The following CPQ variants were observed in gnomAD, a reference collection of about 807,000 sequenced individuals.
The protein encoded by CPQ is Ser-Met dipeptidase.
Under a neutral mutation model 45.7 loss-of-function variants are expected in CPQ, and 37 were observed. That is an observed-to-expected ratio of 0.81 (90% CI 0.62 to 1.07). The LOEUF is 1.07. Among genes scored for constraint, CPQ ranks in the 50% least tolerant of loss-of-function variants. The pLI is 0.00. For missense variants in CPQ, 537 were observed against 572.9 expected (o/e 0.94, Z 0.64); for synonymous variants, 186 against 205.8 (o/e 0.90, Z 0.82).
At chr8:96,785,541 A>G (rs1810757044) in intron 2 of CPQ, among the ~76,000 whole-genome samples, 2 of 152,098 alleles carry the variant, frequency 1.3e-5, no homozygotes. Flanking sequence ...TTTTAAATGT[A>G]GAATCTGTAG....
chr8:96,926,619 TCTTCTC>T (rs1457773819), intron 4 of CPQ, among the ~76,000 whole-genome samples: 37 of 145,100 alleles, frequency 2.5e-4, no homozygotes, highest in African/African-American at 8.7e-4. Context: ...TTCTTCTTCT[TCTTCTC>T]CTCCTTCTCC....
chr8:96,840,911 C>A (rs925807363), intron 3 of CPQ, among the ~76,000 whole-genome samples: 2 of 152,082 alleles, frequency 1.3e-5, no homozygotes, highest in Non-Finnish European at 2.9e-5. Flanking sequence ...AGAGAAAAAC[C>A]AGATTTGGTG....
intron 6 of CPQ, among the ~76,000 whole-genome samples, chr8:97,048,689 G>A (rs1020814472): frequency 1.3e-5 from 2 of 152,198 alleles, no homozygotes; most frequent in Non-Finnish European, 2.9e-5. Flanking sequence ...ATCAGGAGCT[G>A]CCCCTTTTAG....
intron 4 of CPQ, among the ~76,000 whole-genome samples, chr8:96,957,996 C>A (rs990982856): frequency 1.6e-5 from 2 of 126,622 alleles, no homozygotes; most frequent in Admixed American, 7.9e-5. Flanking sequence ...ACGTGCACCA[C>A]TACACCCGGC....
chr8:96,926,625 C>CTTCTTCTTCTTCTTCTTCTTCTTCCT (rs59043894), intron 4 of CPQ, among the ~76,000 whole-genome samples: 5 of 58,490 alleles, frequency 8.5e-5, no homozygotes, highest in African/African-American at 3.1e-4. Context: ...TTCTTCTTCT[C>CTTCTTCTTCTTCTTCTTCTTCTTCCT]CTCCTTCTCC....
At chr8:96,781,726 T>A (rs1810687888) in intron 1 of CPQ, among the ~76,000 whole-genome samples, 1 of 152,186 alleles carries the variant, frequency 6.6e-6, no homozygotes, top group African/African-American at 2.4e-5. Context: ...GGGTGAGACA[T>A]AACACAATTC....
At chr8:96,688,185 C>T (rs1809258507) in intron 1 of CPQ, among the ~76,000 whole-genome samples, 1 of 152,090 alleles carries the variant, frequency 6.6e-6, no homozygotes, top group African/African-American at 2.4e-5. Context: ...TTTAGCATTA[C>T]AAGGTGTTTA....
chr8:96,902,091 A>G (rs73279829), intron 4 of CPQ, among the ~76,000 whole-genome samples: 8,048 of 152,180 alleles, frequency 0.053, 589 homozygotes, highest in African/African-American at 0.16. Context: ...AAAGCATGGA[A>G]GGAGGGTCAG....
chr8:96,849,556 C>T (rs1474034657), intron 3 of CPQ, among the ~76,000 whole-genome samples: 1 of 152,210 alleles, frequency 6.6e-6, no homozygotes, highest in African/African-American at 2.4e-5. Context: ...TCAGCTTCTC[C>T]TAGCTGGATC....
At chr8:96,718,308 G>C (rs558779622) in intron 1 of CPQ, among the ~76,000 whole-genome samples, 5 of 152,298 alleles carry the variant, frequency 3.3e-5, no homozygotes, top group Admixed American at 2.6e-4. Context: ...GAGTGTTACA[G>C]CTCTTAAGGT....
rs146693346 is a variant in CPQ, at chr8:96,863,805, T to C, written c.642-15993T>C. The stretch of plus-strand genomic sequence containing the variant: ...CAGTGACAGCATTGCTAAGGAGTTT[T>C]ATGGAGAATGGATGGTCTTGACTGG... On this transcript the variant is annotated intron_variant, in intron 3 of 7. Transcript: ENST00000220763. 2.4e-3 allele frequency among the ~76,000 whole-genome samples: 361 copies of C among 152,164 alleles called. 2 individuals are homozygous for C. Among genetic ancestry groups the C allele is most frequent in the African/African-American group, 8.5e-3 (355 of 41,530 alleles).
At chr8:97,088,766 T>G (rs932578303) in intron 7 of CPQ, among the ~76,000 whole-genome samples, 1 of 152,188 alleles carries the variant, frequency 6.6e-6, no homozygotes, top group Non-Finnish European at 1.5e-5. Flanking sequence ...GGTCATAGAC[T>G]GGAGTGTAGC....
At chr8:96,955,505 C>A (rs1479276557) in intron 4 of CPQ, among the ~76,000 whole-genome samples, 1 of 152,086 alleles carries the variant, frequency 6.6e-6, no homozygotes, top group African/African-American at 2.4e-5. Flanking sequence ...ACTTTCTTCA[C>A]AGAATTGGAA....
rs571388517 is a variant in CPQ, at chr8:96,736,864, T to A, written c.-34-48000T>A. On this transcript the variant is annotated intron_variant, in intron 1 of 7. Coordinates refer to ENST00000220763, the MANE Select transcript of CPQ (RefSeq NM_016134.4). Reference sequence around the variant, plus strand: ...AATCTCTCTGAGCCCATATTGGTAGTTCATACTTTCCTAGGAATATGTCTA... The same window carrying A: ...AATCTCTCTGAGCCCATATTGGTAGATCATACTTTCCTAGGAATATGTCTA... 7.2e-5 allele frequency among the ~76,000 whole-genome samples: 11 copies of A among 152,314 alleles called. No homozygotes were observed. In the South Asian group the frequency reaches 2.3e-3, roughly 32 times the overall value.
chr8:96,705,341 T>A (rs768086707), intron 1 of CPQ, among the ~76,000 whole-genome samples: 2 of 152,190 alleles, frequency 1.3e-5, no homozygotes, highest in Non-Finnish European at 1.5e-5. Flanking sequence ...TTAATAGGCA[T>A]GAAATATATC....
intron 7 of CPQ, among the ~76,000 whole-genome samples, chr8:97,071,927 C>G (rs188548126): frequency 2.0e-4 from 30 of 152,206 alleles, no homozygotes; most frequent in Admixed American, 4.6e-4. Context: ...TCTTTGTGGT[C>G]CCAGGATGGC....
At chr8:96,882,559 G>A (rs1183693406) in intron 4 of CPQ, among the ~76,000 whole-genome samples, 5 of 152,140 alleles carry the variant, frequency 3.3e-5, no homozygotes, top group Non-Finnish European at 5.9e-5. Flanking sequence ...CAGGTGGGTG[G>A]CAGGGTGAGA....
rs533927747 is a variant in CPQ at position 96,695,734 on chromosome 8, C to T, written c.-35+50332C>T. Among the ~76,000 whole-genome samples, 168 of 151,542 alleles carry T rather than the reference C, an allele frequency of 1.1e-3. 3 individuals carry two copies. In the East Asian group the frequency reaches 0.027, roughly 24 times the overall value. On this transcript the variant is annotated intron_variant, in intron 1 of 7. Transcript: ENST00000220763. ...ATCAGAGAAATGCAAATTAAAACCA[C>T]AATGAGATACCATTTCACACCAGTT...
chr8:96,948,306 A>G (rs1227123392), intron 4 of CPQ, among the ~76,000 whole-genome samples: 1 of 152,160 alleles, frequency 6.6e-6, no homozygotes, highest in Admixed American at 6.5e-5. Context: ...AATTTTTCCA[A>G]TTTGTGAACT....
Sources: allele counts gnomAD v4.1 joint callset (sites outside exome capture counted in the v4.1 genomes callset), GRCh38; gene constraint gnomAD v4.1.1; transcripts MANE v1.5; gene names NCBI Gene and HGNC (gene_info 2026-07-23, HGNC 2026-07-21).